The following NEDD4 variants were observed in gnomAD, a reference collection of about 807,000 sequenced individuals.
NEDD4 encodes the protein NEDD4 E3 ubiquitin protein ligase.
In NEDD4, 99 loss-of-function variants were observed where a neutral mutation model predicts 144.9. The observed-to-expected ratio is 0.68, with a 90% CI of 0.58 to 0.81. The LOEUF (loss-of-function observed/expected upper bound fraction) is 0.81. Among genes scored for constraint, NEDD4 ranks in the 30% least tolerant of loss-of-function variants. NEDD4 has a pLI of 0.00. For missense variants in NEDD4, 985 were observed against 1,065.9 expected, an observed-to-expected ratio of 0.92 and a Z score of 1.06; for synonymous variants, 318 against 350.6, an observed-to-expected ratio of 0.91 and a Z score of 1.04.
chr15:55,834,152 A>G lies in NEDD4; in HGVS notation c.2323-7T>C, dbSNP rs1319439429. ...CCAGTCCACACATAAGAAGCTACAT[A>G]AGAAATGTCAAATTATAAACAAGGA... On this transcript the variant is annotated splice_polypyrimidine_tract_variant and splice_region_variant and intron_variant, in intron 25 of 28. Coordinates refer to ENST00000435532, the MANE Select transcript of NEDD4 (RefSeq NM_006154.4). The G allele has an allele frequency of 3.1e-6, 5 of 1,611,728 alleles. No homozygotes were observed. In the African/African-American group the frequency reaches 6.7e-5, roughly 22 times the overall value.
chr15:55,979,534 T>G (rs1366631956), intron 1 of NEDD4, among the ~76,000 whole-genome samples: 1 of 150,838 alleles, frequency 6.6e-6, no homozygotes, highest in Non-Finnish European at 1.5e-5. Context: ...TTTGTATTTT[T>G]AGTAGAGACG....
chr15:55,850,411 A>C lies in NEDD4; in HGVS notation c.1347+131T>G, dbSNP rs1397974299. On this transcript the variant is annotated intron_variant, in intron 14 of 28. Coordinates refer to ENST00000435532, the MANE Select transcript of NEDD4 (RefSeq NM_006154.4). ...CCTGAATACAAATAATATTATTAAGAATTCAATATACCTTTCAATGAATAT... is the reference window on the plus strand; with the variant it reads ...CCTGAATACAAATAATATTATTAAGCATTCAATATACCTTTCAATGAATAT... 37 of 814,278 alleles carry C rather than the reference A, an allele frequency of 4.5e-5. No individual in the cohort carries two copies. The East Asian group carries it at 9.1e-4, about 20-fold the overall frequency. The allele number at this position is 814,278 out of a possible 1,614,324, so 50.4% of individuals were successfully genotyped here.
intron 2 of NEDD4, among the ~76,000 whole-genome samples, chr15:55,953,878 G>C (rs1314530326): frequency 6.6e-6 from 1 of 152,140 alleles, no homozygotes; most frequent in African/African-American, 2.4e-5. Flanking sequence ...CTGCCACCAC[G>C]CTTGGCTAAT....
chr15:55,980,508 G>A (rs543354983), intron 1 of NEDD4, among the ~76,000 whole-genome samples: 1 of 152,288 alleles, frequency 6.6e-6, no homozygotes, highest in African/African-American at 2.4e-5. Context: ...ACTGTGAGAG[G>A]CTCCAGTCAA....
chr15:55,988,687 C>T lies in NEDD4; in HGVS notation c.45+4824G>A, dbSNP rs1194294492. Among the ~76,000 whole-genome samples the T allele has an allele frequency of 4.6e-5, 7 of 152,050 alleles. No individual in the cohort carries two copies. In the East Asian group the frequency reaches 7.7e-4, roughly 17 times the overall value. On this transcript the variant is annotated intron_variant, in intron 1 of 28. Transcript: ENST00000435532. The stretch of plus-strand genomic sequence containing the variant: ...GGCATTGTTGTATCAGTGTCCATTT[C>T]CTAGCTTGGAAGGGGGTATGGTTGT...
chr15:55,907,769 C>T (rs578255007), intron 5 of NEDD4, among the ~76,000 whole-genome samples: 7 of 152,274 alleles, frequency 4.6e-5, no homozygotes, highest in African/African-American at 1.2e-4. Context: ...TATAAAACAA[C>T]GATAAACTGA....
chr15:55,839,752 C>T (rs1047039665), intron 21 of NEDD4, among the ~76,000 whole-genome samples: 4 of 151,454 alleles, frequency 2.6e-5, no homozygotes, highest in Admixed American at 6.6e-5. Context: ...CTGAGGCAGG[C>T]GGATAACGAG....
Position 55,904,764 on chromosome 15 carries a change from T to C in NEDD4, c.291+19882A>G, listed in dbSNP as rs139527779. Among the ~76,000 whole-genome samples the C allele has an allele frequency of 2.9e-3, 438 of 152,252 alleles. 1 individual carries two copies. Among genetic ancestry groups the C allele is most frequent in the African/African-American group, 0.01 (419 of 41,548 alleles). On this transcript the variant is annotated intron_variant, in intron 5 of 28. Coordinates refer to ENST00000435532, the MANE Select transcript of NEDD4 (RefSeq NM_006154.4). ...GTTTACTTCAGTCTTTCTAGGAGTG[T>C]ATATGCTTCTAGAATATACACAAGG...
intron 4 of NEDD4, 22 bp downstream of exon 4, chr15:55,951,354 G>A: frequency 8.2e-6 from 7 of 856,430 alleles, no homozygotes; most frequent in Non-Finnish European, 1.2e-5. Flanking sequence ...TTCCACTTTA[G>A]TAAAATAAAA....
At chr15:55,934,255 A>G (rs1566958709) in intron 4 of NEDD4, among the ~76,000 whole-genome samples, 1 of 152,202 alleles carries the variant, frequency 6.6e-6, no homozygotes, top group Non-Finnish European at 1.5e-5. Context: ...CACTTAGTAT[A>G]ATGATTTCAA....
chr15:55,979,084 C>A (rs887732994), intron 1 of NEDD4, among the ~76,000 whole-genome samples: 10 of 151,744 alleles, frequency 6.6e-5, no homozygotes, highest in Middle Eastern at 3.4e-3. Context: ...TATATATACC[C>A]CATTTTTACT....
At chr15:55,877,371 A>G (rs2035031523) in intron 5 of NEDD4, among the ~76,000 whole-genome samples, 1 of 152,180 alleles carries the variant, frequency 6.6e-6, no homozygotes, top group Non-Finnish European at 1.5e-5. Flanking sequence ...TTGAATTTAG[A>G]TTATGCATTT....
chr15:55,971,608 C>T (rs1260658836), intron 1 of NEDD4, among the ~76,000 whole-genome samples: 3 of 138,992 alleles, frequency 2.2e-5, no homozygotes, highest in African/African-American at 2.8e-5. Context: ...CTGGGCAACA[C>T]GGTGAGACTC....
intron 4 of NEDD4, among the ~76,000 whole-genome samples, chr15:55,946,001 G>A (rs1225299814): frequency 6.6e-6 from 1 of 151,956 alleles, no homozygotes; most frequent in African/African-American, 2.4e-5. Flanking sequence ...GCTCATGAAG[G>A]AAGCACTAAA....
intron 5 of NEDD4, chr15:55,916,346 G>A (rs1332908993): frequency 6.2e-7 from 1 of 1,614,030 alleles, no homozygotes; most frequent in Non-Finnish European, 8.5e-7. Context: ...CGTTGCTGCT[G>A]TAAGACCCAT....
rs201080792 is a variant in NEDD4 at position 55,917,205 on chromosome 15, C to G, written c.291+7441G>C. On this transcript the variant is annotated intron_variant, in intron 5 of 28. Transcript: ENST00000435532. ...TTTGCATGAATGAGTAACACAAGAA[C>G]AACAATCTTCTAACATTTCAAGTTG... The G allele has an allele frequency of 2.0e-5, 9 of 444,402 alleles. No individual in the cohort carries two copies. In the African/African-American group the frequency reaches 2.9e-4, roughly 14 times the overall value. The allele number at this position is 444,402 out of a possible 1,614,324, so 27.5% of individuals were successfully genotyped here.
chr15:55,912,138 A>G (rs140022173), intron 5 of NEDD4, among the ~76,000 whole-genome samples: 3,678 of 152,358 alleles, frequency 0.024, 66 homozygotes, highest in Non-Finnish European at 0.035. Context: ...CACATTTTAG[A>G]ATATTTATAA....
intron 9 of NEDD4, 53 bp from the exon 10 acceptor site, chr15:55,860,831 T>C (rs978633414): frequency 6.8e-7 from 1 of 1,466,902 alleles, no homozygotes; most frequent in Non-Finnish European, 9.4e-7. Flanking sequence ...GTTAAAATGA[T>C]TGTCAAAGAT....
Position 55,873,998 on chromosome 15 carries a change from T to C in NEDD4, c.302A>G (p.Asp101Gly). ...VFDENRLTRD[D>G]FLGQVDVPLY... ...TGGAACATCCACTTGACCTAGGAAATCATCTCTTGTCTATAAGAGAAGGAA... is the reference window on the plus strand; with the variant it reads ...TGGAACATCCACTTGACCTAGGAAACCATCTCTTGTCTATAAGAGAAGGAA... The change falls in exon 6 of 29, where the codon GAT (aspartate) becomes GGT (glycine). Residue 101 changes from aspartate (D) to glycine (G), a missense_variant. Asp to Gly is a moderately conservative substitution (Grantham distance 94). Coordinates refer to ENST00000435532, the MANE Select transcript of NEDD4 (RefSeq NM_006154.4). The C allele has an allele frequency of 6.5e-7, 1 of 1,531,390 alleles. No individual in the cohort carries two copies. Among genetic ancestry groups the C allele is most frequent in the Non-Finnish European group, 8.9e-7 (1 of 1,129,618 alleles). The allele number at this position is 1,531,390 out of a possible 1,614,324, so 94.9% of individuals were successfully genotyped here.
Sources: gnomAD v4.1 joint callset for allele counts (sites outside exome capture counted in the v4.1 genomes callset) on GRCh38, gnomAD v4.1.1 for gene constraint, MANE v1.5 for transcripts, NCBI Gene and HGNC (gene_info 2026-07-23, HGNC 2026-07-21) for gene names.